Variants in ALPL observed in about 807,000 individuals in gnomAD.
ALPL encodes alkaline phosphatase, tissue-nonspecific isozyme.
A neutral mutation model predicts 51.3 loss-of-function variants in ALPL; 42 were observed. The observed-to-expected ratio is 0.82, with a 90% CI of 0.64 to 1.06. The LOEUF (loss-of-function observed/expected upper bound fraction) is 1.06, where lower values mean the gene tolerates loss of function less well. Ranked by LOEUF, ALPL falls within the 50% of genes least tolerant of loss-of-function variation. The probability of loss-of-function intolerance (pLI) is 0.00; values close to 1 mark genes in which losing one functional copy is unlikely to be tolerated. For missense variants in ALPL, 589 were observed against 709.4 expected (o/e 0.83, Z 1.93); for synonymous variants, 279 against 296.4 (o/e 0.94, Z 0.60).
In ALPL at chr1:21,573,540, C is replaced by T. The variant is rs1644681204; in HGVS notation, c.863-125C>T. ...TCACCCAGATAAGGATCCTCCCAGC[C>T]ACCATACTCTACCCCAAGCTGGCTG... On this transcript the variant is annotated intron_variant, in intron 8 of 11. Transcript: ENST00000374840. 1.6e-5 allele frequency: 20 copies of T among 1,217,190 alleles called. No individual in the cohort carries two copies. In the East Asian group the frequency reaches 5.2e-4, roughly 31 times the overall value. The allele number at this position is 1,217,190 out of a possible 1,614,324, so 75.4% of individuals were successfully genotyped here.
intron 1 of ALPL, among the ~76,000 whole-genome samples, chr1:21,523,664 T>A (rs1643906403): frequency 6.6e-6 from 1 of 152,232 alleles, no homozygotes; most frequent in South Asian, 2.1e-4. Context: ...GCCCAGCATG[T>A]GTCAGCCCCC....
At chr1:21,559,058 C>T (rs1013184173) in intron 2 of ALPL, among the ~76,000 whole-genome samples, 23 of 152,140 alleles carry the variant, frequency 1.5e-4, no homozygotes, top group Admixed American at 5.2e-4. Context: ...TCTTTACCCA[C>T]GGCCACTCCG....
intron 6 of ALPL, among the ~76,000 whole-genome samples, chr1:21,565,334 T>C (rs1258299748): frequency 6.6e-6 from 1 of 152,196 alleles, no homozygotes; most frequent in Non-Finnish European, 1.5e-5. Flanking sequence ...CTGGCTTGCC[T>C]TCACCCGACA....
chr1:21,570,350 C>A lies in ALPL; in HGVS notation c.838C>A (p.Pro280Thr), dbSNP rs771727865. 19 of 1,614,016 alleles carry A rather than the reference C, an allele frequency of 1.2e-5. No individual in the cohort carries two copies. The highest frequency in any genetic ancestry group is 1.5e-5 in the Non-Finnish European group (18 of 1,180,040). Residue 280 changes from proline (P) to threonine (T), a missense_variant, in exon 8 of 12, where the codon CCC becomes ACC. Coordinates refer to ENST00000374840, the MANE Select transcript of ALPL (RefSeq NM_000478.6). Reference protein sequence around the residue: ...WNRTELLTLDPHNVDYLLGLF... With the variant: ...WNRTELLTLDTHNVDYLLGLF... Reference sequence around the variant, plus strand: ...CCGCACGGAACTCCTGACCCTTGACCCCCACAATGTGGACTACCTATTGGG... The same window carrying A: ...CCGCACGGAACTCCTGACCCTTGACACCCACAATGTGGACTACCTATTGGG...
intron 10 of ALPL, among the ~76,000 whole-genome samples, chr1:21,576,177 T>C (rs1644728906): frequency 6.7e-6 from 1 of 148,988 alleles, no homozygotes; most frequent in African/African-American, 2.4e-5. Context: ...AGAACGTGGA[T>C]AGATGAATGA....
chr1:21,576,538 G>A lies in ALPL; in HGVS notation c.1206G>A (p.Leu402=). The stretch of plus-strand genomic sequence containing the variant: ...CCTGTGCAGGTCTGGCCCCCATGCT[G>A]AGTGACACAGACAAGAAGCCCTTCA... ...GNSIFGLAPM[L]SDTDKKPFTA... is the part of the protein sequence containing the mutation. Residue 402 remains leucine, a synonymous_variant, in exon 11 of 12, where the codon CTG becomes CTA. Transcript: ENST00000374840. The A allele has an allele frequency of 6.2e-7, 1 of 1,613,936 alleles. No individual in the cohort carries two copies. The highest frequency in any genetic ancestry group is 1.3e-5 in the African/African-American group (1 of 75,008).
chr1:21,576,271 GTGGATGGATGGATGGGTGGA>G (rs1268945623), intron 10 of ALPL, among the ~76,000 whole-genome samples: 9 of 21,954 alleles, frequency 4.1e-4, no homozygotes, highest in East Asian at 2.4e-3. Flanking sequence ...GGATGGATGG[GTGGATGGATGGATGGGTGGA>G]TGGATGGATG....
At chr1:21,533,855 G>A (rs1235171199) in intron 1 of ALPL, among the ~76,000 whole-genome samples, 1 of 151,840 alleles carries the variant, frequency 6.6e-6, no homozygotes, top group East Asian at 1.9e-4. Context: ...CCTCGGAGGT[G>A]GAGTTTGCAG....
chr1:21,534,246 G>A (rs1014856535), intron 1 of ALPL, among the ~76,000 whole-genome samples: 4 of 152,182 alleles, frequency 2.6e-5, no homozygotes, highest in African/African-American at 9.7e-5. Context: ...AAAGTGCTGG[G>A]ATTACACGTG....
At chr1:21,547,504 G>A (rs1644268281) in intron 1 of ALPL, among the ~76,000 whole-genome samples, 2 of 152,258 alleles carry the variant, frequency 1.3e-5, no homozygotes, top group East Asian at 1.9e-4. Flanking sequence ...TTCACTTGCC[G>A]CCTGGCCAGG....
In ALPL at chr1:21,564,197, A is replaced by G. The variant is rs748031071; in HGVS notation, c.629A>G (p.His210Arg). Residue 210 changes from histidine (H) to arginine (R), a missense_variant, in exon 6 of 12, where the codon CAT (histidine) becomes CGT (arginine). His to Arg is a conservative substitution (Grantham distance 29, BLOSUM62 0). Transcript: ENST00000374840. This position sits in a 1 kb window ranked among gnomAD's most constrained non-coding sequence, Gnocchi z 5.8. ...AAGGACATCGCCTACCAGCTCATGC[A>G]TAACATCAGGGACATTGACGTGAGT... ...GCKDIAYQLM[H>R]NIRDIDVIMG... 1.2e-6 allele frequency: 2 copies of G among 1,613,966 alleles called. No homozygotes were observed. Among genetic ancestry groups the G allele is most frequent in the Non-Finnish European group, 1.7e-6 (2 of 1,179,998 alleles).
chr1:21,566,207 C>A (rs1258358550), intron 6 of ALPL, among the ~76,000 whole-genome samples: 1 of 152,208 alleles, frequency 6.6e-6, no homozygotes, highest in Non-Finnish European at 1.5e-5. Flanking sequence ...GCAGCCACCC[C>A]CTGGGTGCTG....
intron 1 of ALPL, among the ~76,000 whole-genome samples, chr1:21,543,591 A>AAAAAC (rs988153222): frequency 2.0e-5 from 3 of 152,260 alleles, no homozygotes; most frequent in South Asian, 2.1e-4. Context: ...CCATCTGAAA[A>AAAAAC]AAAACAAAAC....
At chr1:21,533,049 C>A (rs891504049) in intron 1 of ALPL, among the ~76,000 whole-genome samples, 5 of 152,202 alleles carry the variant, frequency 3.3e-5, no homozygotes, top group African/African-American at 1.2e-4. Context: ...TGGGGCTGCC[C>A]ACCAGCCCTT....
At chr1:21,531,725 C>A (rs1399672310) in intron 1 of ALPL, among the ~76,000 whole-genome samples, 3 of 152,142 alleles carry the variant, frequency 2.0e-5, no homozygotes, top group Admixed American at 6.6e-5. Flanking sequence ...TGAACTCCAA[C>A]CCCACACCCA....
chr1:21,536,891 C>CTTTT (rs10534586), intron 1 of ALPL, among the ~76,000 whole-genome samples: 5 of 79,374 alleles, frequency 6.3e-5, no homozygotes, highest in African/African-American at 2.1e-4. Context: ...GGTTCCTTCC[C>CTTTT]TTTTTTTTTT....
chr1:21,533,810 C>T (rs1326027287), intron 1 of ALPL, among the ~76,000 whole-genome samples: 1 of 151,936 alleles, frequency 6.6e-6, no homozygotes, highest in Non-Finnish European at 1.5e-5. Context: ...GTAATCCTGG[C>T]TACTCGGGAG....
At position 21,577,717 on chromosome 1, in the gene ALPL, A is replaced by G. The variant is rs1570311075; in HGVS notation, c.*69A>G. The G allele has an allele frequency of 1.9e-6, 3 of 1,538,472 alleles. No homozygotes were observed. The highest frequency in any genetic ancestry group is 2.4e-5 in the South Asian group (2 of 85,032). Reference sequence around the variant, plus strand: ...CTTCCCACACGGCAGCCCCCCCCTCAAGGGGCAGGGAGGTGGGGGCCTCCT... The same window carrying G: ...CTTCCCACACGGCAGCCCCCCCCTCGAGGGGCAGGGAGGTGGGGGCCTCCT... On this transcript the variant is annotated 3_prime_UTR_variant, in exon 12 of 12. Transcript: ENST00000374840.
intron 3 of ALPL, 95 bp from the exon 4 acceptor site, chr1:21,561,002 G>C: frequency 8.2e-7 from 1 of 1,223,712 alleles, no homozygotes; most frequent in South Asian, 1.3e-5. Flanking sequence ...GCCCGAGCCT[G>C]CCTTGGTACC....
Sources: allele counts gnomAD v4.1 joint callset (sites outside exome capture counted in the v4.1 genomes callset), GRCh38; gene constraint gnomAD v4.1.1; non-coding constraint Gnocchi (gnomAD v3.1); transcripts MANE v1.5; gene names NCBI Gene and HGNC (gene_info 2026-07-23, HGNC 2026-07-21).